PSMD14: variants seen among roughly 807,000 people sequenced by gnomAD.
The protein encoded by PSMD14 is ubiquitin C-terminal hydrolase PSMD14.
In PSMD14, 7 loss-of-function variants were observed where a neutral mutation model predicts 41.2. That is an observed-to-expected ratio of 0.17 (90% CI 0.10 to 0.32). The LOEUF is 0.32. Among genes scored for constraint, PSMD14 ranks in the 10% least tolerant of loss-of-function variants. The pLI is 1.00. For missense variants in PSMD14, 139 were observed against 375.6 expected, an observed-to-expected ratio of 0.37 and a Z score of 5.21; for synonymous variants, 114 against 122.3, an observed-to-expected ratio of 0.93 and a Z score of 0.45.
intron 3 of PSMD14, among the ~76,000 whole-genome samples, chr2:161,324,269 A>G (rs1182131829): frequency 6.6e-6 from 1 of 152,238 alleles, no homozygotes; most frequent in Admixed American, 6.5e-5. Context: ...TAATAGACAC[A>G]CAAGCAATCA....
chr2:161,403,154 G>A (rs1683903767), intron 10 of PSMD14, among the ~76,000 whole-genome samples: 1 of 152,200 alleles, frequency 6.6e-6, no homozygotes, highest in Non-Finnish European at 1.5e-5. Context: ...ATGTCTATCA[G>A]TAGATGAGTG....
At chr2:161,394,964 A>G (rs1313303658) in intron 9 of PSMD14, 114 bp from the exon 10 acceptor site, 6 of 927,520 alleles carry the variant, frequency 6.5e-6, no homozygotes, top group African/African-American at 1.7e-5. Context: ...TGAATTAATA[A>G]AGTTAAATCC....
At chr2:161,377,606 G>T (rs1159822401) in intron 7 of PSMD14, among the ~76,000 whole-genome samples, 1 of 151,788 alleles carries the variant, frequency 6.6e-6, no homozygotes, top group Non-Finnish European at 1.5e-5. Context: ...GTATATAGAG[G>T]TAAGAGTTCC....
chr2:161,398,691 A>C (rs1683835850), intron 10 of PSMD14, among the ~76,000 whole-genome samples: 1 of 152,074 alleles, frequency 6.6e-6, no homozygotes, highest in Non-Finnish European at 1.5e-5. Context: ...TGGAGATCTG[A>C]CGGTTTACTG....
Position 161,367,975 on chromosome 2 carries a change from A to T in PSMD14, c.240+72A>T, listed in dbSNP as rs1345503460. ...CATTTTTCTTTTCCTATGCAAACTAACTCTCATCATATTACATTTTCTCTT... is the reference window on the plus strand; with the variant it reads ...CATTTTTCTTTTCCTATGCAAACTATCTCTCATCATATTACATTTTCTCTT... On this transcript the variant is annotated intron_variant, in intron 5 of 11. Coordinates refer to ENST00000409682, the MANE Select transcript of PSMD14 (RefSeq NM_005805.6). 5 of 1,473,862 alleles carry T rather than the reference A, an allele frequency of 3.4e-6. No individual in the cohort carries two copies. The African/African-American group carries it at 7.1e-5, about 21-fold the overall frequency. The allele number at this position is 1,473,862 out of a possible 1,614,324, so 91.3% of individuals were successfully genotyped here.
At chr2:161,343,880 T>C (rs1683003240) in intron 3 of PSMD14, among the ~76,000 whole-genome samples, 1 of 152,078 alleles carries the variant, frequency 6.6e-6, no homozygotes, top group Non-Finnish European at 1.5e-5. Context: ...TTTGGGTATA[T>C]AGGTAGCCCT....
chr2:161,328,271 A>T (rs1029941629), intron 3 of PSMD14, among the ~76,000 whole-genome samples: 4 of 152,170 alleles, frequency 2.6e-5, no homozygotes, highest in Non-Finnish European at 5.9e-5. Flanking sequence ...TTAAATGTCT[A>T]AATGTGTTAT....
chr2:161,359,361 A>G lies in PSMD14; in HGVS notation c.49-8117A>G, dbSNP rs74564505. On this transcript the variant is annotated intron_variant, in intron 3 of 11. Coordinates refer to ENST00000409682, the MANE Select transcript of PSMD14 (RefSeq NM_005805.6). ...CCATAATTTAATTCTTTGAACTGGT[A>G]ATATATTTGAGAACTGTGCTTGCCT... Among the ~76,000 whole-genome samples, 253 of 152,274 alleles carry G rather than the reference A, an allele frequency of 1.7e-3. 4 individuals are homozygous for G. In the East Asian group the frequency reaches 0.04, roughly 24 times the overall value.
chr2:161,388,006 A>G (rs1683656106), intron 8 of PSMD14, among the ~76,000 whole-genome samples: 5 of 152,002 alleles, frequency 3.3e-5, no homozygotes, highest in Admixed American at 3.3e-4. Flanking sequence ...ACATTTGGCT[A>G]TTACTTTCAA....
intron 10 of PSMD14, among the ~76,000 whole-genome samples, chr2:161,403,164 G>A (rs1211592021): frequency 2.0e-5 from 3 of 152,174 alleles, no homozygotes; most frequent in Non-Finnish European, 4.4e-5. Flanking sequence ...GTAGATGAGT[G>A]GATAAACAAA....
intron 11 of PSMD14, 118 bp downstream of exon 11, chr2:161,409,017 T>C: frequency 1.4e-6 from 1 of 719,398 alleles, no homozygotes; most frequent in Non-Finnish European, 2.2e-6. Context: ...TCTTCTGTCA[T>C]GTAAATGTGA....
chr2:161,346,159 A>G (rs1455591941), intron 3 of PSMD14, among the ~76,000 whole-genome samples: 2 of 152,202 alleles, frequency 1.3e-5, no homozygotes, highest in East Asian at 3.8e-4. Flanking sequence ...CTGGGATTAT[A>G]GGCGTGAGCC....
chr2:161,322,535 A>G (rs1205882790), intron 3 of PSMD14, among the ~76,000 whole-genome samples: 1 of 152,082 alleles, frequency 6.6e-6, no homozygotes, highest in African/African-American at 2.4e-5. Context: ...GATTACAGGC[A>G]TGAGCCTCCA....
chr2:161,390,463 T>C (rs1423541725), intron 8 of PSMD14, among the ~76,000 whole-genome samples: 4 of 152,126 alleles, frequency 2.6e-5, no homozygotes, highest in African/African-American at 7.2e-5. Context: ...GATTATTGTT[T>C]CTTAATAAAG....
Position 161,342,300 on chromosome 2 carries a change from A to C in PSMD14, c.48+23427A>C, listed in dbSNP as rs556963904. Reference sequence around the variant, plus strand: ...GTTATAGATACTCTTTATCAGGTTGAAGAAGTTCCCTGCTATTCCTACTTT... The same window carrying C: ...GTTATAGATACTCTTTATCAGGTTGCAGAAGTTCCCTGCTATTCCTACTTT... On this transcript the variant is annotated intron_variant, in intron 3 of 11. Coordinates refer to ENST00000409682, the MANE Select transcript of PSMD14 (RefSeq NM_005805.6). 5.3e-5 allele frequency among the ~76,000 whole-genome samples: 8 copies of C among 152,316 alleles called. No individual in the cohort carries two copies. The East Asian group carries it at 5.8e-4, about 11-fold the overall frequency.
intron 1 of PSMD14, among the ~76,000 whole-genome samples, chr2:161,315,002 T>C (rs892015410): frequency 8.5e-5 from 13 of 152,350 alleles, no homozygotes; most frequent in Middle Eastern, 6.8e-3. Flanking sequence ...CCAGCACTCA[T>C]TGGTTCTTAA....
chr2:161,345,509 C>T (rs566185084), intron 3 of PSMD14, among the ~76,000 whole-genome samples: 5 of 152,268 alleles, frequency 3.3e-5, no homozygotes, highest in African/African-American at 1.2e-4. Context: ...AATCCGCCCA[C>T]CTCTGCCTCC....
intron 7 of PSMD14, 37 bp downstream of exon 7, chr2:161,371,359 A>G (rs1683431580): frequency 3.8e-6 from 6 of 1,572,666 alleles, no homozygotes; most frequent in South Asian, 2.3e-5. Flanking sequence ...ATCTACTGCC[A>G]CATTCTGTTT....
intron 3 of PSMD14, chr2:161,340,779 G>GA (rs1682941976): frequency 6.2e-7 from 1 of 1,612,972 alleles, no homozygotes; most frequent in Non-Finnish European, 8.5e-7. Context: ...ATGCCAAAAG[G>GA]AAAAGCCTTT....
Sources: allele counts gnomAD v4.1 joint callset (sites outside exome capture counted in the v4.1 genomes callset), GRCh38; gene constraint gnomAD v4.1.1; transcripts MANE v1.5; gene names NCBI Gene and HGNC (gene_info 2026-07-23, HGNC 2026-07-21).